The following ARHGAP29 variants were observed in gnomAD, a reference collection of about 807,000 sequenced individuals.
ARHGAP29 encodes Rho GTPase activating protein 29.
A neutral mutation model predicts 122.6 loss-of-function variants in ARHGAP29; 43 were observed. That is an observed-to-expected ratio of 0.35 (90% CI 0.27 to 0.45). The LOEUF (loss-of-function observed/expected upper bound fraction) is 0.45, where lower values mean the gene tolerates loss of function less well. Ranked by LOEUF, ARHGAP29 falls within the 20% of genes least tolerant of loss-of-function variation. The probability of loss-of-function intolerance (pLI) is 1.00; values close to 1 mark genes in which losing one functional copy is unlikely to be tolerated. For synonymous variants in ARHGAP29, 506 were observed against 497.1 expected (o/e 1.02, Z -0.24); for missense variants, 1,303 against 1,477.2 (o/e 0.88, Z 1.93).
intron 3 of ARHGAP29, among the ~76,000 whole-genome samples, chr1:94,211,515 TTA>T (rs1651618753): frequency 6.6e-6 from 1 of 151,960 alleles, no homozygotes; most frequent in South Asian, 2.1e-4. Flanking sequence ...GACAAGACAT[TTA>T]TATGACACCC....
the ARHGAP29 span, among the ~76,000 whole-genome samples, chr1:94,301,566 G>C: frequency 1.3e-5 from 2 of 152,150 alleles, no homozygotes; most frequent in Admixed American, 1.3e-4. Flanking sequence ...CTGATTTCTT[G>C]ACCTGGGCAA....
chr1:94,303,005 CACA>C, the ARHGAP29 span: 1 of 165,000 alleles, frequency 6.1e-6, no homozygotes, highest in Non-Finnish European at 1.3e-5. Context: ...CTTTATGATC[CACA>C]TGGCTTCCAA....
At chr1:94,229,940 A>G (rs1025490627) in intron 2 of ARHGAP29, among the ~76,000 whole-genome samples, 13 of 151,650 alleles carry the variant, frequency 8.6e-5, no homozygotes, top group African/African-American at 2.7e-4. Context: ...AAGGAAAATA[A>G]CTAAAAACAA....
the ARHGAP29 span, among the ~76,000 whole-genome samples, chr1:94,282,117 A>G: frequency 6.6e-6 from 1 of 152,034 alleles, no homozygotes; most frequent in African/African-American, 2.4e-5. Flanking sequence ...AAAAACATGG[A>G]TTCCTGGGCC....
chr1:94,230,193 G>A (rs1054750378), intron 2 of ARHGAP29, among the ~76,000 whole-genome samples: 2 of 151,512 alleles, frequency 1.3e-5, no homozygotes, highest in African/African-American at 4.8e-5. Flanking sequence ...ACAAAGCTAT[G>A]TTTCTTTAAA....
At chr1:94,218,372 G>A (rs1192863824) in intron 3 of ARHGAP29, among the ~76,000 whole-genome samples, 1 of 152,180 alleles carries the variant, frequency 6.6e-6, no homozygotes, top group Non-Finnish European at 1.5e-5. Context: ...GATAGTAATA[G>A]TGGAAAATAA....
Position 94,221,111 on chromosome 1 carries a change from C to T in ARHGAP29, c.206-719G>A, listed in dbSNP as rs78557539. Reference sequence around the variant, plus strand: ...GTCAGAGCGATGCAGTTTTATTACACCTTAAATAAGATGACTATACAATTT... The same window carrying T: ...GTCAGAGCGATGCAGTTTTATTACATCTTAAATAAGATGACTATACAATTT... On this transcript the variant is annotated intron_variant, in intron 2 of 22. Coordinates refer to ENST00000260526, the MANE Select transcript of ARHGAP29 (RefSeq NM_004815.4). Among the ~76,000 whole-genome samples the T allele has an allele frequency of 3.7e-4, 57 of 152,226 alleles. 2 individuals carry two copies. The East Asian group carries it at 0.011, about 29-fold the overall frequency.
the ARHGAP29 span, among the ~76,000 whole-genome samples, chr1:94,312,822 CTTCTCA>C: frequency 0.03 from 4,600 of 152,184 alleles, 240 homozygotes; most frequent in African/African-American, 0.11. Flanking sequence ...GTGACTACCC[CTTCTCA>C]ATCTCCTTTG....
intron 2 of ARHGAP29, among the ~76,000 whole-genome samples, chr1:94,231,154 A>G (rs1487845246): frequency 3.3e-5 from 5 of 152,050 alleles, no homozygotes. Context: ...AAATGGACCC[A>G]ACCACAGGAA....
intron 2 of ARHGAP29, among the ~76,000 whole-genome samples, chr1:94,223,593 A>T (rs1007712461): frequency 6.6e-6 from 1 of 152,118 alleles, no homozygotes; most frequent in African/African-American, 2.4e-5. Flanking sequence ...CACTAAAAAA[A>T]ACTATATATA....
rs530295333 is a variant in ARHGAP29 at position 94,256,536 on chromosome 1, C to CTTTTTTTTTTTTTT, written c.-33+18462_-33+18475dup. Among the ~76,000 whole-genome samples, 20 of 45,330 alleles carry CTTTTTTTTTTTTTT rather than the reference C, an allele frequency of 4.4e-4. 6 individuals are homozygous for CTTTTTTTTTTTTTT. The highest frequency in any genetic ancestry group is 2.6e-3 in the East Asian group (2 of 780). The allele number at this position is 45,330 out of a possible 152,430, so 29.7% of individuals were successfully genotyped here. ...CAGAAATAGATTTAACAGTACTAAT[C>CTTTTTTTTTTTTTT]TTTTTTTTTTTTTTTTTTTTTTTTT... On this transcript the variant is annotated intron_variant and NMD_transcript_variant, in intron 1 of 25. Coordinates refer to the ARHGAP29 transcript ENST00000552844.
chr1:94,206,982 G>T lies in ARHGAP29; in HGVS notation c.511-1299C>A, dbSNP rs550065487. ...AATGAGGCAAATATATATATATAGA[G>T]AGAGAGAGAAGGAGCAACTTTTATT... On this transcript the variant is annotated intron_variant, in intron 5 of 22. Transcript: ENST00000260526. Among the ~76,000 whole-genome samples the T allele has an allele frequency of 5.2e-3, 783 of 149,706 alleles. 5 individuals are homozygous for T. The Middle Eastern group carries it at 0.052, about 10-fold the overall frequency.
the ARHGAP29 span, among the ~76,000 whole-genome samples, chr1:94,304,957 T>G: frequency 6.6e-6 from 1 of 152,204 alleles, no homozygotes; most frequent in Non-Finnish European, 1.5e-5. Context: ...TCTTGCTGAT[T>G]ACATTCTGAG....
intron 1 of ARHGAP29, among the ~76,000 whole-genome samples, chr1:94,261,913 G>A (rs538524713): frequency 5.3e-5 from 8 of 152,188 alleles, no homozygotes; most frequent in Non-Finnish European, 7.4e-5. Context: ...TTTAAACTTC[G>A]TATGGAACCA....
chr1:94,285,824 A>G, the ARHGAP29 span, among the ~76,000 whole-genome samples: 5 of 150,312 alleles, frequency 3.3e-5, no homozygotes, highest in Non-Finnish European at 7.4e-5. Context: ...GCAGTGAGCC[A>G]AGATTGCGCC....
chr1:94,307,161 T>C, the ARHGAP29 span, among the ~76,000 whole-genome samples: 1 of 152,178 alleles, frequency 6.6e-6, no homozygotes, highest in South Asian at 2.1e-4. Context: ...CCGATCCCAG[T>C]GTAAGACCAA....
At position 94,177,894 on chromosome 1, in the gene ARHGAP29, G is replaced by A. The variant is rs753188754; in HGVS notation, c.2754C>T (p.Asp918=). ...ATAGTGACTTCATGGAACGTTCAATGTCTCTTTCTTCTGGTGATAACAGAG... is the reference window on the plus strand; with the variant it reads ...ATAGTGACTTCATGGAACGTTCAATATCTCTTTCTTCTGGTGATAACAGAG... The part of the protein sequence containing the change: ...PKPLLSPEER[D]IERSMKSLFF... The change falls in exon 21 of 23, where the codon GAC becomes GAT. Residue 918 remains aspartate, a synonymous_variant. Transcript: ENST00000260526. 1 of 1,613,874 alleles carries A rather than the reference G, an allele frequency of 6.2e-7. No homozygotes were observed. Among genetic ancestry groups the A allele is most frequent in the South Asian group, 1.1e-5 (1 of 91,020 alleles).
chr1:94,195,618 C>T (rs1650405016), intron 12 of ARHGAP29: 1 of 151,402 alleles, frequency 6.6e-6, no homozygotes, highest in African/African-American at 2.4e-5. Context: ...AAGGCATAAA[C>T]AAAAAAGAAA....
At chr1:94,234,734 T>C (rs1653142375) in intron 1 of ARHGAP29, among the ~76,000 whole-genome samples, 1 of 152,204 alleles carries the variant, frequency 6.6e-6, no homozygotes, top group African/African-American at 2.4e-5. Flanking sequence ...GTGTCTTTTT[T>C]GGGCAGCTCT....
Sources: allele counts gnomAD v4.1 joint callset (sites outside exome capture counted in the v4.1 genomes callset), GRCh38; gene constraint gnomAD v4.1.1; transcripts MANE v1.5; gene names NCBI Gene and HGNC (gene_info 2026-07-23, HGNC 2026-07-21).